The following ASTN2 variants were observed in gnomAD, a reference collection of about 807,000 sequenced individuals.
ASTN2 encodes the protein astrotactin-2.
A neutral mutation model predicts 139.8 loss-of-function variants in ASTN2; 54 were observed. The ratio of observed to expected loss-of-function variants is 0.39; its 90% CI spans 0.31 to 0.48. ASTN2 has a LOEUF of 0.48. ASTN2 is among the 20% of genes least tolerant of loss of function. The pLI, the probability that ASTN2 is intolerant of heterozygous loss-of-function variation, is 0.95. For synonymous variants in ASTN2, 756 were observed against 719.5 expected, an observed-to-expected ratio of 1.05 and a Z score of -0.81; for missense variants, 1,565 against 1,725.1, an observed-to-expected ratio of 0.91 and a Z score of 1.64.
chr9:117,114,749 A>G (rs1587978480), intron 4 of ASTN2, among the ~76,000 whole-genome samples: 1 of 152,232 alleles, frequency 6.6e-6, no homozygotes, highest in East Asian at 1.9e-4. Context: ...GAGGCTATGT[A>G]TCTTGCATGG....
In ASTN2 at chr9:117,258,847, G is replaced by A. The variant is rs1194247216; in HGVS notation, c.630+32479C>T. On this transcript the variant is annotated intron_variant, in intron 2 of 22. Transcript: ENST00000313400. ...TTCTCTGCCTCACCTGTATTTTCCA[G>A]TGTCACCCCAGAAAAAGACACACCA... Among the ~76,000 whole-genome samples the A allele has an allele frequency of 1.3e-5, 2 of 151,962 alleles. 1 individual carries two copies. The highest frequency in any genetic ancestry group is 4.8e-5 in the African/African-American group (2 of 41,358).
intron 13 of ASTN2, among the ~76,000 whole-genome samples, chr9:116,746,370 G>A (rs1829233936): frequency 6.6e-6 from 1 of 151,888 alleles, no homozygotes; most frequent in Admixed American, 6.6e-5. Flanking sequence ...ACAGGCTTGA[G>A]CCACCATGCC....
chr9:116,750,907 C>T (rs1829381474), intron 13 of ASTN2, among the ~76,000 whole-genome samples: 1 of 152,150 alleles, frequency 6.6e-6, no homozygotes, highest in Non-Finnish European at 1.5e-5. Context: ...AATTAATGAA[C>T]AGAATTTTTG....
intron 16 of ASTN2, among the ~76,000 whole-genome samples, chr9:116,663,536 T>C (rs2165555): frequency 4.7e-4 from 71 of 152,204 alleles, no homozygotes; most frequent in African/African-American, 1.6e-3. Flanking sequence ...TTACCAGGCA[T>C]TACTTTTGGA....
chr9:117,147,951 C>T (rs1299699015), intron 3 of ASTN2, among the ~76,000 whole-genome samples: 1 of 152,140 alleles, frequency 6.6e-6, no homozygotes, highest in Non-Finnish European at 1.5e-5. Context: ...GCTCTGATAG[C>T]TTAGCTCCTC....
chr9:116,512,407 A>G (rs928407333), intron 19 of ASTN2, among the ~76,000 whole-genome samples: 16 of 152,206 alleles, frequency 1.1e-4, no homozygotes, highest in African/African-American at 2.4e-4. Context: ...TTGCTGAGGA[A>G]TGCTTTACTT....
intron 1 of ASTN2, among the ~76,000 whole-genome samples, chr9:117,307,082 T>G (rs1291624640): frequency 6.6e-6 from 1 of 152,200 alleles, no homozygotes; most frequent in Non-Finnish European, 1.5e-5. Flanking sequence ...AAGCCATGTT[T>G]ATACAACCTA....
intron 16 of ASTN2, among the ~76,000 whole-genome samples, chr9:116,710,503 G>T (rs571876437): frequency 7.0e-4 from 90 of 128,574 alleles, no homozygotes; most frequent in African/African-American, 3.0e-3. Flanking sequence ...GGCCAAGGAG[G>T]GGGGAATCAC....
At chr9:117,115,055 C>A (rs184675555) in intron 4 of ASTN2, among the ~76,000 whole-genome samples, 1 of 152,232 alleles carries the variant, frequency 6.6e-6, no homozygotes, top group East Asian at 1.9e-4. Context: ...AAGCCCTTTA[C>A]GAATTCCTGA....
intron 5 of ASTN2, among the ~76,000 whole-genome samples, chr9:117,078,409 G>A (rs1828336131): frequency 6.6e-6 from 1 of 152,060 alleles, no homozygotes; most frequent in African/African-American, 2.4e-5. Context: ...GTATCCCAAA[G>A]CCATTACTCC....
At chr9:116,839,505 A>G (rs1832125984) in intron 11 of ASTN2, among the ~76,000 whole-genome samples, 2 of 150,996 alleles carry the variant, frequency 1.3e-5, no homozygotes, top group South Asian at 4.2e-4. Context: ...TTTGAGACAG[A>G]GTCTCGCTCT....
At chr9:117,237,672 G>T (rs766731054) in intron 2 of ASTN2, among the ~76,000 whole-genome samples, 1 of 152,140 alleles carries the variant, frequency 6.6e-6, no homozygotes, top group African/African-American at 2.4e-5. Context: ...GTAGAGACAG[G>T]ATTTCACTGA....
Position 117,414,515 on chromosome 9 carries a change from G to T in ASTN2, c.424C>A (p.Leu142Met). Residue 142 changes from leucine to methionine, a missense_variant, in exon 1 of 23, where the codon CTG (leucine) becomes ATG (methionine). By Grantham distance (15) the Leu-to-Met change is conservative. Coordinates refer to ENST00000313400, the MANE Select transcript of ASTN2 (RefSeq NM_001365068.1). The surrounding 1 kb of genome is among the most constrained non-coding windows in gnomAD (Gnocchi z 4.2). ...GCCTTACCCAGGGTGAAGAAGGGCAGCTCGGTGTTGTCCAGGTCGTCCTGC... is the reference window on the plus strand; with the variant it reads ...GCCTTACCCAGGGTGAAGAAGGGCATCTCGGTGTTGTCCAGGTCGTCCTGC... ...AVQDDLDNTELPFFTLEMSGT... is the reference protein window; with the variant it reads ...AVQDDLDNTEMPFFTLEMSGT... 1 of 1,609,058 alleles carries T rather than the reference G, an allele frequency of 6.2e-7. No homozygotes were observed. Among genetic ancestry groups the T allele is most frequent in the East Asian group, 2.3e-5 (1 of 44,420 alleles).
chr9:117,372,292 C>T (rs1262567387), intron 1 of ASTN2, among the ~76,000 whole-genome samples: 1 of 152,110 alleles, frequency 6.6e-6, no homozygotes, highest in African/African-American at 2.4e-5. Flanking sequence ...AATCTTCCCC[C>T]AGAGGGTGAA....
intron 2 of ASTN2, among the ~76,000 whole-genome samples, chr9:117,226,798 G>A (rs1384483019): frequency 1.3e-5 from 2 of 152,194 alleles, no homozygotes; most frequent in African/African-American, 2.4e-5. Context: ...ATCTTGAAAT[G>A]TTCGGTGTGT....
intron 4 of ASTN2, among the ~76,000 whole-genome samples, chr9:117,101,643 T>C (rs925507305): frequency 6.6e-6 from 1 of 152,202 alleles, no homozygotes; most frequent in African/African-American, 2.4e-5. Context: ...GTCTGAGATG[T>C]AGGAGTTAAT....
intron 10 of ASTN2, among the ~76,000 whole-genome samples, chr9:116,925,381 G>T (rs1218868144): frequency 6.6e-6 from 1 of 152,240 alleles, no homozygotes; most frequent in Non-Finnish European, 1.5e-5. Context: ...TATCATGATA[G>T]TCATTTTTCA....
chr9:116,517,940 C>G (rs2119218720), intron 19 of ASTN2, among the ~76,000 whole-genome samples: 1 of 152,116 alleles, frequency 6.6e-6, no homozygotes, highest in East Asian at 1.9e-4. Context: ...TCAAATTAAC[C>G]CAATCCATCA....
intron 4 of ASTN2, among the ~76,000 whole-genome samples, chr9:117,137,735 C>A (rs1055933764): frequency 2.0e-5 from 3 of 150,912 alleles, no homozygotes; most frequent in African/African-American, 7.3e-5. Flanking sequence ...TCATGAAATT[C>A]TTTTGTCCAA....
Sources: gnomAD v4.1 joint callset for allele counts (sites outside exome capture counted in the v4.1 genomes callset) on GRCh38, gnomAD v4.1.1 for gene constraint, Gnocchi (gnomAD v3.1) non-coding constraint, MANE v1.5 for transcripts, NCBI Gene and HGNC (gene_info 2026-07-23, HGNC 2026-07-21) for gene names.